Variants in NBEA observed in about 807,000 individuals in gnomAD.
NBEA encodes lysosomal-trafficking regulator 2.
In NBEA, 44 loss-of-function variants were observed where a neutral mutation model predicts 343.4. The ratio of observed to expected loss-of-function variants is 0.13; its 90% CI spans 0.10 to 0.16. The LOEUF is 0.16. Ranked by LOEUF, NBEA falls within the 10% of genes least tolerant of loss-of-function variation. NBEA has a pLI of 1.00. For synonymous variants in NBEA, 1,175 were observed against 1,238.7 expected (o/e 0.95, Z 1.08); for missense variants, 2,555 against 3,631.3 (o/e 0.70, Z 7.62).
In NBEA at chr13:35,655,186, C is replaced by G. The variant is rs542214811; in HGVS notation, c.8191+176C>G. 4.5e-4 allele frequency among the ~76,000 whole-genome samples: 69 copies of G among 152,232 alleles called. 1 individual carries two copies. Among genetic ancestry groups the G allele is most frequent in the Non-Finnish European group, 9.3e-4 (63 of 68,020 alleles). On this transcript the variant is annotated intron_variant, in intron 54 of 58. Coordinates refer to ENST00000379939, the MANE Select transcript of NBEA (RefSeq NM_001385012.1). The stretch of plus-strand genomic sequence containing the variant: ...GTAACTAACTATAACTTCATGTATT[C>G]CGAACGTTAGCATGATCCCAGAATT...
intron 38 of NBEA, among the ~76,000 whole-genome samples, chr13:35,367,633 A>G (rs2041197895): frequency 6.6e-6 from 1 of 151,008 alleles, no homozygotes. Flanking sequence ...CAAACACTCT[A>G]TTGATAAAGA....
At chr13:35,238,640 G>C (rs1165942765) in intron 34 of NBEA, among the ~76,000 whole-genome samples, 2 of 152,112 alleles carry the variant, frequency 1.3e-5, no homozygotes, top group African/African-American at 4.8e-5. Context: ...GTCATAATCA[G>C]CTAAGCCTGA....
chr13:35,497,057 T>C (rs1461059849), intron 41 of NBEA, among the ~76,000 whole-genome samples: 1 of 152,052 alleles, frequency 6.6e-6, no homozygotes, highest in African/African-American at 2.4e-5. Flanking sequence ...GTTAGATATG[T>C]AGATGAGTTA....
chr13:34,959,536 T>TA (rs149495090), intron 1 of NBEA, among the ~76,000 whole-genome samples: 2,363 of 151,546 alleles, frequency 0.016, 60 homozygotes, highest in African/African-American at 0.054. Flanking sequence ...GGCCTTAGGA[T>TA]AAAAAAAAAT....
intron 1 of NBEA, among the ~76,000 whole-genome samples, chr13:35,000,613 C>CACACACACAT (rs1555271794): frequency 6.7e-6 from 1 of 150,362 alleles, no homozygotes; most frequent in African/African-American, 2.4e-5. Flanking sequence ...CACACACACA[C>CACACACACAT]GTTTTAAAAG....
rs117251541 is a variant in NBEA, at chr13:34,985,769, G to T, written c.294+42655G>T. Among the ~76,000 whole-genome samples, 142 of 150,896 alleles carry T rather than the reference G, an allele frequency of 9.4e-4. 2 individuals are homozygous for T. In the East Asian group the frequency reaches 0.024, roughly 26 times the overall value. On this transcript the variant is annotated intron_variant, in intron 1 of 58. Coordinates refer to ENST00000379939, the MANE Select transcript of NBEA (RefSeq NM_001385012.1). Reference sequence around the variant, plus strand: ...ACCTTCCTGGTTTAGTCTTGGGAGGGTGTATTGTTCAGGAATTTATCCATT... The same window carrying T: ...ACCTTCCTGGTTTAGTCTTGGGAGGTTGTATTGTTCAGGAATTTATCCATT...
intron 41 of NBEA, among the ~76,000 whole-genome samples, chr13:35,539,994 A>G (rs570732883): frequency 1.3e-5 from 2 of 151,426 alleles, no homozygotes; most frequent in South Asian, 4.2e-4. Flanking sequence ...ACATAAAGAA[A>G]TGTTAACTAG....
intron 41 of NBEA, among the ~76,000 whole-genome samples, chr13:35,488,607 A>G (rs1428393944): frequency 6.6e-6 from 1 of 151,984 alleles, no homozygotes; most frequent in Non-Finnish European, 1.5e-5. Context: ...GGAATCACCA[A>G]CATATTGATC....
At chr13:35,510,707 C>G (rs2077243456) in intron 41 of NBEA, among the ~76,000 whole-genome samples, 1 of 152,208 alleles carries the variant, frequency 6.6e-6, no homozygotes, top group Non-Finnish European at 1.5e-5. Context: ...GAGCATCTGA[C>G]TAGGTACCAA....
chr13:34,972,703 C>G (rs1429701931), intron 1 of NBEA, among the ~76,000 whole-genome samples: 1 of 152,062 alleles, frequency 6.6e-6, no homozygotes. Context: ...GTTATGATTT[C>G]AATTCTTTTG....
chr13:35,106,949 T>G (rs997044522), intron 11 of NBEA, among the ~76,000 whole-genome samples: 1 of 151,918 alleles, frequency 6.6e-6, no homozygotes, highest in African/African-American at 2.4e-5. Flanking sequence ...TGAATAATTT[T>G]TATGAGCTAC....
At chr13:35,284,013 CACCA>C (rs1389454596) in intron 34 of NBEA, among the ~76,000 whole-genome samples, 4 of 143,160 alleles carry the variant, frequency 2.8e-5, no homozygotes, top group African/African-American at 5.1e-5. Flanking sequence ...CACACACACA[CACCA>C]CACAGATGCA....
chr13:35,160,166 A>G (rs1228295795), intron 22 of NBEA, 134 bp downstream of exon 22: 3 of 826,028 alleles, frequency 3.6e-6, no homozygotes, highest in Non-Finnish European at 5.4e-6. Flanking sequence ...TTATGGAACT[A>G]AATAGTGCGG....
intron 1 of NBEA, among the ~76,000 whole-genome samples, chr13:34,985,652 G>A (rs952092171): frequency 2.7e-5 from 4 of 150,890 alleles, no homozygotes; most frequent in African/African-American, 7.3e-5. Flanking sequence ...GAATTTGGTT[G>A]TGAATCCGTC....
chr13:35,104,665 A>T (rs1179958173), intron 11 of NBEA, among the ~76,000 whole-genome samples: 1 of 151,976 alleles, frequency 6.6e-6, no homozygotes, highest in Non-Finnish European at 1.5e-5. Context: ...TTACTGGTTA[A>T]CTGCCACTTA....
chr13:35,010,597 G>C, intron 1 of NBEA, among the ~76,000 whole-genome samples: 1 of 143,182 alleles, frequency 7.0e-6, no homozygotes, highest in East Asian at 2.0e-4. Flanking sequence ...AAAAAAAATA[G>C]ATGGGCCAGG....
chr13:35,000,109 A>T (rs191060962), intron 1 of NBEA, among the ~76,000 whole-genome samples: 5 of 152,282 alleles, frequency 3.3e-5, no homozygotes, highest in African/African-American at 1.2e-4. Flanking sequence ...TCCAGACATT[A>T]ACATTTTAGA....
rs111684736 is a variant in NBEA at position 34,966,308 on chromosome 13, C to T, written c.294+23194C>T. ...TTCAGTGTTTCTTATATTTCTTTTCCTGAAACGGGACTTGTCAGAGAGCAC... is the reference window on the plus strand; with the variant it reads ...TTCAGTGTTTCTTATATTTCTTTTCTTGAAACGGGACTTGTCAGAGAGCAC... On this transcript the variant is annotated intron_variant, in intron 1 of 58. Transcript: ENST00000379939. 1.3e-3 allele frequency among the ~76,000 whole-genome samples: 195 copies of T among 152,020 alleles called. 1 individual carries two copies. Among genetic ancestry groups the T allele is most frequent in the African/African-American group, 4.4e-3 (181 of 41,498 alleles).
chr13:35,067,934 C>T (rs1006239776), intron 8 of NBEA, among the ~76,000 whole-genome samples: 1 of 151,940 alleles, frequency 6.6e-6, no homozygotes. Context: ...TGGGGTCTCT[C>T]TGTGTGTTGT....
Sources: gnomAD v4.1 joint callset for allele counts (sites outside exome capture counted in the v4.1 genomes callset) on GRCh38, gnomAD v4.1.1 for gene constraint, MANE v1.5 for transcripts, NCBI Gene and HGNC (gene_info 2026-07-23, HGNC 2026-07-21) for gene names.